Variants in DNAI3 observed in about 807,000 individuals in gnomAD.
DNAI3 encodes the protein WD repeat domain 63.
A neutral mutation model predicts 115.5 loss-of-function variants in DNAI3; 83 were observed. The ratio of observed to expected loss-of-function variants is 0.72; its 90% CI spans 0.60 to 0.86. The LOEUF (loss-of-function observed/expected upper bound fraction) is 0.86. DNAI3 is among the 40% of genes least tolerant of loss of function. The pLI, the probability that DNAI3 is intolerant of heterozygous loss-of-function variation, is 0.00. For missense variants in DNAI3, 1,004 were observed against 1,075.8 expected (o/e 0.93, Z 0.93); for synonymous variants, 320 against 347.0 (o/e 0.92, Z 0.86).
chr1:85,117,106 T>A (rs1200224115), intron 16 of DNAI3, among the ~76,000 whole-genome samples: 2 of 152,136 alleles, frequency 1.3e-5, no homozygotes, highest in Non-Finnish European at 2.9e-5. Flanking sequence ...TATGAGCATA[T>A]ATTTCTCTAC....
intron 3 of DNAI3, among the ~76,000 whole-genome samples, chr1:85,080,606 A>G (rs937644961): frequency 6.6e-6 from 1 of 152,210 alleles, no homozygotes; most frequent in African/African-American, 2.4e-5. Flanking sequence ...AGAGAGCAGC[A>G]GGGGAGAGGG....
At chr1:85,073,202 G>A in intron 3 of DNAI3, 110 bp downstream of exon 3, 2 of 712,252 alleles carry the variant, frequency 2.8e-6, no homozygotes, top group Non-Finnish European at 4.3e-6. Flanking sequence ...AAATGTACAT[G>A]GGCTAAAATT....
At chr1:85,126,369 A>C in intron 19 of DNAI3, 142 bp from the exon 20 acceptor site, 2 of 820,558 alleles carry the variant, frequency 2.4e-6, no homozygotes, top group Non-Finnish European at 3.7e-6. Context: ...TACAACAAAG[A>C]GAAGTAAGAC....
intron 16 of DNAI3, among the ~76,000 whole-genome samples, chr1:85,113,001 T>C (rs1293304744): frequency 6.6e-6 from 1 of 152,232 alleles, no homozygotes; most frequent in East Asian, 1.9e-4. Flanking sequence ...ACTCCTGTCC[T>C]CAAGCAATCT....
At chr1:85,072,819 G>C (rs990716540) in intron 2 of DNAI3, among the ~76,000 whole-genome samples, 1 of 151,290 alleles carries the variant, frequency 6.6e-6, no homozygotes, top group Non-Finnish European at 1.5e-5. Flanking sequence ...GCCGGGTGTG[G>C]TGGCGGGCGC....
chr1:85,077,631 T>C lies in DNAI3; in HGVS notation c.104-3603T>C, dbSNP rs550351056. Among the ~76,000 whole-genome samples the C allele has an allele frequency of 2.0e-5, 3 of 152,230 alleles. No homozygotes were observed. The South Asian group carries it at 6.2e-4, about 32-fold the overall frequency. On this transcript the variant is annotated intron_variant, in intron 3 of 22. Transcript: ENST00000294664. The stretch of plus-strand genomic sequence containing the variant: ...TTCCAGAAAAAAGCAAACTAATCTA[T>C]AGTGACAAGAAAACAGCTTAGTGGT...
intron 3 of DNAI3, among the ~76,000 whole-genome samples, chr1:85,074,139 A>G (rs1241707132): frequency 2.6e-5 from 4 of 152,134 alleles, no homozygotes; most frequent in African/African-American, 9.7e-5. Context: ...TTTAAAATAT[A>G]TCTCAAACCC....
intron 12 of DNAI3, 82 bp downstream of exon 12, chr1:85,097,737 T>A: frequency 8.3e-7 from 1 of 1,206,878 alleles, no homozygotes; most frequent in Non-Finnish European, 1.1e-6. Flanking sequence ...TTGCCAAGGC[T>A]AATAAAAACT....
intron 22 of DNAI3, among the ~76,000 whole-genome samples, chr1:85,130,700 GA>G (rs1557729943): frequency 6.8e-6 from 1 of 146,802 alleles, no homozygotes; most frequent in African/African-American, 2.6e-5. Context: ...TAGATAGATA[GA>G]TAGATAGATA....
intron 12 of DNAI3, 98 bp from the exon 13 acceptor site, chr1:85,098,432 C>T (rs1235392117): frequency 3.5e-6 from 5 of 1,419,156 alleles, no homozygotes; most frequent in Non-Finnish European, 4.8e-6. Flanking sequence ...ACTGGTATAT[C>T]TCTAAATTGT....
chr1:85,076,843 A>C (rs1341921654), intron 3 of DNAI3, among the ~76,000 whole-genome samples: 2 of 152,168 alleles, frequency 1.3e-5, no homozygotes, highest in African/African-American at 4.8e-5. Flanking sequence ...TGTTTGCCAG[A>C]AGTGGTTAAT....
chr1:85,074,222 A>G (rs1034668163), intron 3 of DNAI3, among the ~76,000 whole-genome samples: 4 of 152,162 alleles, frequency 2.6e-5, no homozygotes, highest in African/African-American at 9.7e-5. Context: ...GTTAGTTCCC[A>G]AGGCTCCTAT....
Position 85,128,734 on chromosome 1 carries a change from GATT to G in DNAI3, c.2350_2352del (p.Tyr784del), listed in dbSNP as rs1191273327. 1.2e-6 allele frequency: 2 copies of G among 1,610,338 alleles called. No individual in the cohort carries two copies. The highest frequency in any genetic ancestry group is 2.7e-5 in the African/African-American group (2 of 74,714). On this transcript the variant is annotated inframe_deletion, in exon 21 of 23. Transcript: ENST00000294664. ...TAAACAGCAATTTATAGCCACAGCTGATTATTATGGAACACTGCATATATTAGA... is the reference window on the plus strand; with the variant it reads ...TAAACAGCAATTTATAGCCACAGCTGATTATGGAACACTGCATATATTAGA...
chr1:85,107,384 A>G (rs1655519406), intron 14 of DNAI3, among the ~76,000 whole-genome samples: 2 of 152,246 alleles, frequency 1.3e-5, no homozygotes, highest in African/African-American at 4.8e-5. Context: ...ATACCCACAC[A>G]ATGGAATATT....
In DNAI3 at chr1:85,093,621, T is replaced by G. The variant is rs1296482042; in HGVS notation, c.1021T>G (p.Cys341Gly). ...TAGCCCAACGGAGAAAATGATTACC[T>G]GTGTCTCATGGCATCCAACTATCTA... ...LHSPTEKMIT[C>G]VSWHPTIYGL... Residue 341 changes from cysteine (C) to glycine (G), a missense_variant, in exon 9 of 23, where the codon TGT becomes GGT. Cys to Gly is a radical substitution (Grantham distance 159). Transcript: ENST00000294664. The G allele has an allele frequency of 2.5e-6, 4 of 1,614,038 alleles. No individual in the cohort carries two copies. Among genetic ancestry groups the G allele is most frequent in the Non-Finnish European group, 3.4e-6 (4 of 1,179,990 alleles).
At chr1:85,073,839 G>A (rs1358062866) in intron 3 of DNAI3, among the ~76,000 whole-genome samples, 4 of 152,150 alleles carry the variant, frequency 2.6e-5, no homozygotes, top group African/African-American at 9.7e-5. Flanking sequence ...AGAGAGACTA[G>A]TTAGGAAGTT....
At chr1:85,085,289 C>T (rs1182073878) in intron 6 of DNAI3, among the ~76,000 whole-genome samples, 1 of 152,156 alleles carries the variant, frequency 6.6e-6, no homozygotes, top group Non-Finnish European at 1.5e-5. Flanking sequence ...ATTTGTAGTA[C>T]TTGGTTATGG....
At chr1:85,117,993 G>T (rs12407379) in intron 17 of DNAI3, 134 bp downstream of exon 17, 70,326 of 1,112,206 alleles carry the variant, frequency 0.063, 2,612 homozygotes, top group African/African-American at 0.16. Context: ...ATGCTTGTTT[G>T]CATTAAACAT....
intron 9 of DNAI3, 113 bp downstream of exon 9, chr1:85,093,761 C>A: frequency 7.6e-7 from 1 of 1,311,536 alleles, no homozygotes. Context: ...TCCATTTGCT[C>A]TGTACTCACT....
Sources: gnomAD v4.1 joint callset for allele counts (sites outside exome capture counted in the v4.1 genomes callset) on GRCh38, gnomAD v4.1.1 for gene constraint, MANE v1.5 for transcripts, NCBI Gene and HGNC (gene_info 2026-07-23, HGNC 2026-07-21) for gene names.